Variants in MYO1B observed in about 807,000 individuals in gnomAD.
The protein encoded by MYO1B is unconventional myosin-Ib.
A neutral mutation model predicts 159.7 loss-of-function variants in MYO1B; 72 were observed. The ratio of observed to expected loss-of-function variants is 0.45; its 90% CI spans 0.37 to 0.55. MYO1B has a LOEUF of 0.55. Ranked by LOEUF, MYO1B falls within the 20% of genes least tolerant of loss-of-function variation. MYO1B has a pLI of 0.00. For missense variants in MYO1B, 1,062 were observed against 1,364.8 expected (o/e 0.78, Z 3.50); for synonymous variants, 468 against 473.8 (o/e 0.99, Z 0.16).
intron 1 of MYO1B, among the ~76,000 whole-genome samples, chr2:191,251,837 A>G (rs573313252): frequency 2.0e-5 from 3 of 152,236 alleles, no homozygotes; most frequent in African/African-American, 7.2e-5. Context: ...TGCAACCACA[A>G]CAAAAAGCTC....
intron 3 of MYO1B, among the ~76,000 whole-genome samples, chr2:191,319,020 C>T (rs1018355425): frequency 2.0e-5 from 3 of 152,088 alleles, no homozygotes; most frequent in Non-Finnish European, 2.9e-5. Flanking sequence ...GGAGTGGCCT[C>T]TTTGCATTTT....
chr2:191,279,774 A>AT (rs922176908), intron 2 of MYO1B, among the ~76,000 whole-genome samples: 30 of 152,164 alleles, frequency 2.0e-4, no homozygotes, highest in African/African-American at 5.3e-4. Context: ...GTTAAAAAAA[A>AT]ACATCTTTTA....
chr2:191,254,207 T>A (rs1686294922), intron 1 of MYO1B, among the ~76,000 whole-genome samples: 1 of 152,132 alleles, frequency 6.6e-6, no homozygotes, highest in Non-Finnish European at 1.5e-5. Context: ...TTCACTTTAT[T>A]TTTATTTATT....
At chr2:191,421,118 C>T (rs1218319191) in intron 30 of MYO1B, among the ~76,000 whole-genome samples, 1 of 148,674 alleles carries the variant, frequency 6.7e-6, no homozygotes, top group African/African-American at 2.5e-5. Flanking sequence ...CGCCTAGGCT[C>T]GAGTGCAGTG....
chr2:191,249,897 T>G (rs1327323079), intron 1 of MYO1B, among the ~76,000 whole-genome samples: 1 of 152,170 alleles, frequency 6.6e-6, no homozygotes, highest in African/African-American at 2.4e-5. Flanking sequence ...TTTGCTAAAC[T>G]CTAACAGGTG....
intron 4 of MYO1B, among the ~76,000 whole-genome samples, chr2:191,336,086 C>T (rs907192382): frequency 2.0e-5 from 3 of 152,112 alleles, no homozygotes; most frequent in African/African-American, 7.2e-5. Flanking sequence ...ATGAGGGAAC[C>T]ATCAAAACTA....
intron 11 of MYO1B, among the ~76,000 whole-genome samples, chr2:191,366,406 A>T (rs943506599): frequency 1.3e-5 from 2 of 151,708 alleles, no homozygotes; most frequent in African/African-American, 4.8e-5. Context: ...TTTTTAATGT[A>T]GTACTCAGAG....
At chr2:191,259,423 CT>C (rs1248754803) in intron 1 of MYO1B, among the ~76,000 whole-genome samples, 11 of 152,076 alleles carry the variant, frequency 7.2e-5, no homozygotes, top group Non-Finnish European at 1.3e-4. Context: ...CTTTTCCAGG[CT>C]TTTTATGTGA....
chr2:191,326,023 A>G (rs1574431801), intron 3 of MYO1B, among the ~76,000 whole-genome samples: 1 of 152,172 alleles, frequency 6.6e-6, no homozygotes, highest in African/African-American at 2.4e-5. Flanking sequence ...GCTCAACTAG[A>G]GGACAGAAGA....
In MYO1B at chr2:191,310,501, C is replaced by T. The variant is rs1316412857; in HGVS notation, c.251+14275C>T. On this transcript the variant is annotated intron_variant, in intron 3 of 30. Coordinates refer to ENST00000392318, the MANE Select transcript of MYO1B (RefSeq NM_001130158.3). ...TACAGGCATGAGCCACCACGCCCGA[C>T]CTGAAGAAGGAATTCTTGAAGTAGG... 5.3e-5 allele frequency among the ~76,000 whole-genome samples: 8 copies of T among 152,276 alleles called. No homozygotes were observed. The East Asian group carries it at 1.5e-3, about 29-fold the overall frequency.
chr2:191,376,745 CTCCT>C (rs529779802), intron 13 of MYO1B, among the ~76,000 whole-genome samples: 12 of 152,324 alleles, frequency 7.9e-5, no homozygotes, highest in African/African-American at 2.6e-4. Flanking sequence ...CACCTACAGA[CTCCT>C]TCCCATTTCT....
At chr2:191,297,320 A>G (rs1276008796) in intron 3 of MYO1B, among the ~76,000 whole-genome samples, 1 of 152,198 alleles carries the variant, frequency 6.6e-6, no homozygotes, top group African/African-American at 2.4e-5. Flanking sequence ...CAAGGGGCCC[A>G]CGGTGTCTTG....
At chr2:191,356,475 A>G (rs888101595) in intron 7 of MYO1B, among the ~76,000 whole-genome samples, 2 of 151,732 alleles carry the variant, frequency 1.3e-5, no homozygotes, top group Non-Finnish European at 2.9e-5. Flanking sequence ...GTGACTTCGT[A>G]ATGGGTGGCT....
intron 1 of MYO1B, chr2:191,248,069 A>T (rs749368954): frequency 2.2e-5 from 21 of 974,506 alleles, no homozygotes; most frequent in Non-Finnish European, 2.6e-5. Flanking sequence ...TGTTTTTAGC[A>T]TTTGTCCTCC....
At chr2:191,261,394 T>C (rs1047043332) in intron 1 of MYO1B, among the ~76,000 whole-genome samples, 2 of 152,180 alleles carry the variant, frequency 1.3e-5, no homozygotes, top group African/African-American at 4.8e-5. Flanking sequence ...AAAATAAAAG[T>C]ATCCTCACTG....
chr2:191,282,577 C>T (rs1471954786), intron 2 of MYO1B, among the ~76,000 whole-genome samples: 2 of 152,192 alleles, frequency 1.3e-5, no homozygotes, highest in Non-Finnish European at 2.9e-5. Flanking sequence ...GTAGTTTTCT[C>T]CCTTCAGTAC....
At position 191,311,933 on chromosome 2, in the gene MYO1B, T is replaced by C. The variant is rs568888601; in HGVS notation, c.251+15707T>C. ...AAGTAGAAAATGATATATAACACTT[T>C]GAACATTTGCCTCCTTTCCGTAACT... On this transcript the variant is annotated intron_variant, in intron 3 of 30. Coordinates refer to ENST00000392318, the MANE Select transcript of MYO1B (RefSeq NM_001130158.3). Among the ~76,000 whole-genome samples the C allele has an allele frequency of 4.3e-4, 64 of 148,074 alleles. No homozygotes were observed. In the South Asian group the frequency reaches 8.7e-3, roughly 20 times the overall value.
chr2:191,305,662 C>T (rs538760538), intron 3 of MYO1B, among the ~76,000 whole-genome samples: 4 of 152,126 alleles, frequency 2.6e-5, no homozygotes, highest in Non-Finnish European at 4.4e-5. Flanking sequence ...AGGGAGAAAG[C>T]AGCCATAAAA....
chr2:191,350,436 A>G (rs1256994163), intron 7 of MYO1B: 1 of 338,478 alleles, frequency 3.0e-6, no homozygotes. Flanking sequence ...TACCTTGGAA[A>G]AACTTTTTAG....
Sources: gnomAD v4.1 joint callset for allele counts (sites outside exome capture counted in the v4.1 genomes callset) on GRCh38, gnomAD v4.1.1 for gene constraint, MANE v1.5 for transcripts, NCBI Gene and HGNC (gene_info 2026-07-23, HGNC 2026-07-21) for gene names.